BAIAP2L2: variants seen among roughly 807,000 people sequenced by gnomAD.
BAIAP2L2 encodes BAR/IMD domain containing adaptor protein 2 like 2.
BAIAP2L2 carries 65 observed loss-of-function variants against 60.4 expected under a neutral mutation model. The ratio of observed to expected loss-of-function variants is 1.08; its 90% CI spans 0.88 to 1.32. The LOEUF (loss-of-function observed/expected upper bound fraction) is 1.32. Among genes scored for constraint, BAIAP2L2 ranks in the 40% most tolerant of loss-of-function variants. The pLI, the probability that BAIAP2L2 is intolerant of heterozygous loss-of-function variation, is 0.00. For synonymous variants in BAIAP2L2, 344 were observed against 301.7 expected (o/e 1.14, Z -1.45); for missense variants, 836 against 741.2 (o/e 1.13, Z -1.48).
Position 38,089,173 on chromosome 22 carries a change from T to C in BAIAP2L2, c.824A>G (p.Tyr275Cys). 1 of 1,305,500 alleles carries C rather than the reference T, an allele frequency of 7.7e-7. No homozygotes were observed. Among genetic ancestry groups the C allele is most frequent in the Non-Finnish European group, 9.7e-7 (1 of 1,031,318 alleles). 80.9% of individuals were successfully genotyped at this position (1,305,500 alleles called of 1,614,324 possible). ...SPRSRHGSGS[Y>C]GTEPDARPAS... is the part of the protein sequence containing the mutation. ...GGGCCTCGCGTCGGGCTCGGTGCCGTAGGAGCCGGAGCCGTGCCGGCTGCG... is the reference window on the plus strand; with the variant it reads ...GGGCCTCGCGTCGGGCTCGGTGCCGCAGGAGCCGGAGCCGTGCCGGCTGCG... The change falls in exon 9 of 14, where the codon TAC (tyrosine) becomes TGC (cysteine). Residue 275 changes from tyrosine (Y) to cysteine (C), a missense_variant. By Grantham distance (194) the Tyr-to-Cys change is radical. Transcript: ENST00000381669.
intron 1 of BAIAP2L2, 67 bp downstream of exon 1, chr22:38,110,408 G>C (rs978834127): frequency 1.3e-6 from 2 of 1,502,042 alleles, no homozygotes; most frequent in East Asian, 4.6e-5. Context: ...CCGTCCTCCA[G>C]AGCGGGCCTG....
chr22:38,102,876 A>G (rs5750535), intron 4 of BAIAP2L2, among the ~76,000 whole-genome samples: 67,863 of 151,162 alleles, frequency 0.45, 16,356 homozygotes, highest in South Asian at 0.63. Flanking sequence ...CGTCTCTACT[A>G]AACATACCAA....
intron 10 of BAIAP2L2, among the ~76,000 whole-genome samples, chr22:38,087,842 T>C (rs2086143969): frequency 1.4e-5 from 2 of 145,920 alleles, no homozygotes; most frequent in Non-Finnish European, 3.0e-5. Context: ...TCAGTGTCTG[T>C]CCACCACATC....
chr22:38,088,715 C>T, intron 10 of BAIAP2L2, 33 bp downstream of exon 10: 2 of 931,540 alleles, frequency 2.1e-6, no homozygotes, highest in African/African-American at 1.6e-5. Context: ...TTCTTCTCAA[C>T]CCACCCCCGG....
chr22:38,088,693 G>A, intron 10 of BAIAP2L2, 55 bp downstream of exon 10: 2 of 1,502,076 alleles, frequency 1.3e-6, no homozygotes, highest in South Asian at 1.3e-5. Flanking sequence ...CGGGTTCCCG[G>A]CCCCCAGGGC....
chr22:38,105,339 CTTTTTTTTT>C (rs1035690122), intron 4 of BAIAP2L2, among the ~76,000 whole-genome samples: 2 of 94,966 alleles, frequency 2.1e-5, no homozygotes, highest in Admixed American at 1.1e-4. Flanking sequence ...TTTTTCTTTT[CTTTTTTTTT>C]TTTTTTTTTT....
chr22:38,096,372 T>G (rs554253329), intron 7 of BAIAP2L2, among the ~76,000 whole-genome samples: 12 of 152,146 alleles, frequency 7.9e-5, no homozygotes, highest in African/African-American at 2.9e-4. Flanking sequence ...TATGATAAAA[T>G]GGCTGGGTAT....
chr22:38,088,686 G>T, intron 10 of BAIAP2L2, 62 bp downstream of exon 10: 1 of 1,485,372 alleles, frequency 6.7e-7, no homozygotes, highest in Non-Finnish European at 8.9e-7. Flanking sequence ...AGGTCCCCGG[G>T]TTCCCGGCCC....
In BAIAP2L2 at chr22:38,098,439, T is replaced by G. The variant is rs1405351402; in HGVS notation, c.320A>C (p.Asn107Thr). The change falls in exon 5 of 14, where the codon AAC becomes ACC. Residue 107 changes from asparagine to threonine, a missense_variant. Transcript: ENST00000381669. ...HGGLLQHMEK[N>T]TKLDMQFIKD... ...GATGAACTGCATGTCCAGCTTGGTG[T>G]TCTTCTCCATGTGCTGCAGCAGGCC... 2 of 1,613,712 alleles carry G rather than the reference T, an allele frequency of 1.2e-6. No homozygotes were observed. The highest frequency in any genetic ancestry group is 1.7e-6 in the Non-Finnish European group (2 of 1,179,872).
intron 4 of BAIAP2L2, among the ~76,000 whole-genome samples, chr22:38,102,178 A>G (rs2086581866): frequency 6.6e-6 from 1 of 152,184 alleles, no homozygotes; most frequent in Non-Finnish European, 1.5e-5. Context: ...GGTCCCTGGT[A>G]AAGTCTGAAG....
At chr22:38,099,272 G>A (rs1019855255) in intron 4 of BAIAP2L2, among the ~76,000 whole-genome samples, 3 of 152,024 alleles carry the variant, frequency 2.0e-5, no homozygotes, top group Non-Finnish European at 2.9e-5. Flanking sequence ...GGTGGCTTAC[G>A]CCTGTAATCC....
In BAIAP2L2 at chr22:38,107,856, A is replaced by G; in HGVS notation, c.272T>C (p.Val91Ala). 1 of 1,612,954 alleles carries G rather than the reference A, an allele frequency of 6.2e-7. No homozygotes were observed. The highest frequency in any genetic ancestry group is 1.3e-5 in the African/African-American group (1 of 74,832). ...TQRHLNSDLE[V>A]VVQTFHGGLL... is the part of the protein sequence containing the mutation. The stretch of plus-strand genomic sequence containing the variant: ...GCCCTGGGGCCTGATACTCACCACC[A>G]CCTCCAGGTCAGAGTTCAAGTGCCG... Residue 91 changes from valine (V) to alanine (A), a missense_variant, in exon 4 of 14, where the codon GTG (valine) becomes GCG (alanine). Val to Ala is a moderately conservative substitution (Grantham distance 64). Coordinates refer to ENST00000381669, the MANE Select transcript of BAIAP2L2 (RefSeq NM_025045.6).
Position 38,097,080 on chromosome 22 carries a change from T to C in BAIAP2L2, c.564A>G (p.Ala188=). 6.2e-7 allele frequency: 1 copy of C among 1,614,082 alleles called. No individual in the cohort carries two copies. The highest frequency in any genetic ancestry group is 8.5e-7 in the Non-Finnish European group (1 of 1,179,982). ...TGTTGGAAAGTAGCAGGTGCTTCTC[T>C]GCTAGGAAGCGATAGCGCCGCTTCT... ...LEEKRRYRFL[A]EKHLLLSNTF... is the part of the protein sequence containing the mutation. The change falls in exon 7 of 14, where the codon GCA becomes GCG. Residue 188 remains alanine (A), a synonymous_variant. Coordinates refer to ENST00000381669, the MANE Select transcript of BAIAP2L2 (RefSeq NM_025045.6).
chr22:38,101,644 A>G (rs1466852503), intron 4 of BAIAP2L2, among the ~76,000 whole-genome samples: 1 of 151,332 alleles, frequency 6.6e-6, no homozygotes, highest in Non-Finnish European at 1.5e-5. Flanking sequence ...ACCTGAGGTC[A>G]GGAGTTTGAG....
chr22:38,101,371 T>TAAAAAAAAAAA (rs529893934), intron 4 of BAIAP2L2, among the ~76,000 whole-genome samples: 1 of 80,742 alleles, frequency 1.2e-5, no homozygotes, highest in Non-Finnish European at 2.3e-5. Context: ...TGTCTCTACA[T>TAAAAAAAAAAA]AAAAAAAAAA....
At chr22:38,104,483 G>T (rs905928152) in intron 4 of BAIAP2L2, among the ~76,000 whole-genome samples, 1 of 151,026 alleles carries the variant, frequency 6.6e-6, no homozygotes, top group Non-Finnish European at 1.5e-5. Context: ...GAGGTTCGAA[G>T]AGACTCAAAT....
At position 38,108,279 on chromosome 22, in the gene BAIAP2L2, G is replaced by A. The variant is rs2086709507; in HGVS notation, c.190C>T (p.Gln64Ter). The change falls in exon 3 of 14, where the codon CAG becomes TAG. Residue 64 changes from glutamine to a stop codon, truncating the protein, a stop_gained. Coordinates refer to ENST00000381669, the MANE Select transcript of BAIAP2L2 (RefSeq NM_025045.6). LOFTEE classifies it high-confidence loss of function. ...CCCAGAATCTGTGAGGTGGGGCTCT[G>A]CAGGGCACGCTCCCCAATCTTCTGG... ...AIQKIGERAL[Q>*]SPTSQILGEI... The A allele has an allele frequency of 6.2e-7, 1 of 1,612,556 alleles. No homozygotes were observed. The highest frequency in any genetic ancestry group is 1.1e-5 in the South Asian group (1 of 90,996).
In BAIAP2L2 at chr22:38,109,144, C is replaced by T. The variant is rs369914646; in HGVS notation, c.116G>A (p.Arg39His). The T allele has an allele frequency of 3.2e-5, 51 of 1,612,358 alleles. No individual in the cohort carries two copies. The highest frequency in any genetic ancestry group is 1.7e-4 in the Middle Eastern group (1 of 5,996). Residue 39 changes from arginine to histidine, a missense_variant, in exon 2 of 14, where the codon CGT (arginine) becomes CAT (histidine). By Grantham distance (29) the Arg-to-His change is conservative. Coordinates refer to ENST00000381669, the MANE Select transcript of BAIAP2L2 (RefSeq NM_025045.6). ...GGGCAGGCACTCACCGTGGAAGGCA[C>T]GCAGGTAGTTGTTGCCCAGGTACAC... ...NLVYLGNNYL[R>H]AFHALSEAAE... is the part of the protein sequence containing the mutation.
intron 7 of BAIAP2L2, 66 bp downstream of exon 7, chr22:38,096,966 G>C: frequency 6.5e-7 from 1 of 1,539,990 alleles, no homozygotes. Flanking sequence ...AAACCTCTAT[G>C]TACGGCCACT....
Sources: allele counts gnomAD v4.1 joint callset (sites outside exome capture counted in the v4.1 genomes callset), GRCh38; gene constraint gnomAD v4.1.1; transcripts MANE v1.5; gene names NCBI Gene and HGNC (gene_info 2026-07-23, HGNC 2026-07-21).